Variants in PCDHA7 observed in about 807,000 individuals in gnomAD.
PCDHA7 encodes the protein protocadherin alpha 7.
Under a neutral mutation model 57.2 loss-of-function variants are expected in PCDHA7, and 37 were observed. The ratio of observed to expected loss-of-function variants is 0.65; its 90% CI spans 0.50 to 0.85. The LOEUF (loss-of-function observed/expected upper bound fraction) is 0.85, where lower values mean the gene tolerates loss of function less well. Ranked by LOEUF, PCDHA7 falls within the 40% of genes least tolerant of loss-of-function variation. The pLI, the probability that PCDHA7 is intolerant of heterozygous loss-of-function variation, is 0.00. For synonymous variants in PCDHA7, 553 were observed against 558.8 expected, an observed-to-expected ratio of 0.99 and a Z score of 0.15; for missense variants, 1,188 against 1,241.8, an observed-to-expected ratio of 0.96 and a Z score of 0.65.
intron 1 of PCDHA7, chr5:140,966,591 C>A (rs2096024240): frequency 1.7e-6 from 1 of 588,704 alleles, no homozygotes; most frequent in Non-Finnish European, 2.7e-6. Flanking sequence ...GACGGTGGGG[C>A]CAGGAGCCCT....
intron 3 of PCDHA7, among the ~76,000 whole-genome samples, chr5:140,989,611 A>G (rs2097350612): frequency 6.6e-6 from 1 of 152,232 alleles, no homozygotes. Flanking sequence ...ACTAAAAATG[A>G]AAGTCTGTCC....
intron 1 of PCDHA7, among the ~76,000 whole-genome samples, chr5:140,937,123 C>T (rs1255527159): frequency 1.3e-5 from 2 of 151,390 alleles, no homozygotes; most frequent in Non-Finnish European, 2.9e-5. Context: ...CTGCAAGCTC[C>T]GCCTCCCGGG....
At chr5:140,844,536 C>T (rs945538914) in intron 1 of PCDHA7, among the ~76,000 whole-genome samples, 1 of 149,252 alleles carries the variant, frequency 6.7e-6, no homozygotes, top group South Asian at 2.1e-4. Flanking sequence ...AATCATTCAA[C>T]CCTTTGTTCA....
intron 1 of PCDHA7, among the ~76,000 whole-genome samples, chr5:140,846,624 T>G (rs1554141412): frequency 6.7e-6 from 1 of 149,082 alleles, no homozygotes; most frequent in Non-Finnish European, 1.5e-5. Flanking sequence ...TCCGCCCACT[T>G]CGGCCTCCTA....
chr5:140,873,929 G>C (rs1457405512), intron 1 of PCDHA7, among the ~76,000 whole-genome samples: 3 of 152,138 alleles, frequency 2.0e-5, no homozygotes, highest in African/African-American at 7.2e-5. Flanking sequence ...CCAAAGTGCT[G>C]GGATTACAGG....
intron 1 of PCDHA7, chr5:140,860,694 G>T (rs1263105739): frequency 2.6e-5 from 4 of 152,196 alleles, no homozygotes; most frequent in African/African-American, 7.2e-5. Context: ...TGAGCGACAG[G>T]ATATTGTTGT....
intron 1 of PCDHA7, among the ~76,000 whole-genome samples, chr5:140,958,077 A>C (rs2095408004): frequency 1.3e-5 from 2 of 152,124 alleles, no homozygotes; most frequent in African/African-American, 4.8e-5. Context: ...AGAAGCAAAA[A>C]GTAAAGTTGT....
At chr5:140,901,282 T>A (rs555723354) in intron 1 of PCDHA7, among the ~76,000 whole-genome samples, 44 of 152,318 alleles carry the variant, frequency 2.9e-4, no homozygotes, top group African/African-American at 1.0e-3. Context: ...CAAGAAATTT[T>A]TGCCCAGACT....
At chr5:140,927,157 G>T (rs868936673) in intron 1 of PCDHA7, 1 of 1,614,146 alleles carries the variant, frequency 6.2e-7, no homozygotes, top group Admixed American at 1.7e-5. Flanking sequence ...GCTGTGCAGG[G>T]CCAAAGCTGC....
rs192014288 is a variant in PCDHA7, at chr5:140,938,120, T to A, written c.2356-40829T>A. Among the ~76,000 whole-genome samples the A allele has an allele frequency of 2.0e-3, 311 of 152,258 alleles. 6 individuals are homozygous for A. In the East Asian group the frequency reaches 0.05, roughly 25 times the overall value. ...GTATTTTTTACTTTCTCTCTTTTTT[T>A]AAAAAAATAGAGATAGAGTCTCACT... On this transcript the variant is annotated intron_variant, in intron 1 of 3. Transcript: ENST00000525929.
chr5:140,909,280 T>C (rs1353122604), intron 1 of PCDHA7, among the ~76,000 whole-genome samples: 3 of 152,212 alleles, frequency 2.0e-5, no homozygotes, highest in African/African-American at 7.2e-5. Flanking sequence ...TTGCTTCTGG[T>C]GGGCCTTATG....
intron 1 of PCDHA7, chr5:140,882,627 A>G: frequency 6.2e-7 from 1 of 1,614,136 alleles, no homozygotes; most frequent in Non-Finnish European, 8.5e-7. Flanking sequence ...TTCCATGTGG[A>G]GGTGAAGGTG....
intron 1 of PCDHA7, chr5:140,841,270 C>T: frequency 6.5e-7 from 1 of 1,529,280 alleles, no homozygotes; most frequent in Non-Finnish European, 8.8e-7. Context: ...AAAGTACAGT[C>T]GTTCATCTTT....
intron 1 of PCDHA7, among the ~76,000 whole-genome samples, chr5:140,956,861 A>T (rs2095316106): frequency 6.6e-6 from 1 of 152,194 alleles, no homozygotes; most frequent in Non-Finnish European, 1.5e-5. Flanking sequence ...TGGTTGAATG[A>T]ATGTGTGAAA....
At chr5:141,001,032 TTTAA>T (rs1332637304) in intron 3 of PCDHA7, among the ~76,000 whole-genome samples, 3 of 152,348 alleles carry the variant, frequency 2.0e-5, no homozygotes, top group Middle Eastern at 3.4e-3. Flanking sequence ...TAATAATAGC[TTTAA>T]TTAATTGTAA....
chr5:140,873,497 T>C (rs1236825837), intron 1 of PCDHA7, among the ~76,000 whole-genome samples: 1 of 152,230 alleles, frequency 6.6e-6, no homozygotes, highest in Non-Finnish European at 1.5e-5. Context: ...TGCAAAGTTG[T>C]GTCTTTTATA....
At chr5:140,970,911 T>C (rs1003828575) in intron 1 of PCDHA7, among the ~76,000 whole-genome samples, 2 of 152,194 alleles carry the variant, frequency 1.3e-5, no homozygotes, top group East Asian at 3.9e-4. Context: ...ATTTATTCAT[T>C]TATCAGAAGT....
chr5:140,981,687 A>T (rs1283182396), intron 2 of PCDHA7, among the ~76,000 whole-genome samples: 1 of 151,972 alleles, frequency 6.6e-6, no homozygotes, highest in Non-Finnish European at 1.5e-5. Flanking sequence ...CCTCCCTTCC[A>T]TCATTCATTC....
At chr5:140,904,154 C>T (rs1163595423) in intron 1 of PCDHA7, among the ~76,000 whole-genome samples, 1 of 152,060 alleles carries the variant, frequency 6.6e-6, no homozygotes, top group Non-Finnish European at 1.5e-5. Flanking sequence ...ACATTGCACC[C>T]AGTTTGTAGT....
Sources: gnomAD v4.1 joint callset for allele counts (sites outside exome capture counted in the v4.1 genomes callset) on GRCh38, gnomAD v4.1.1 for gene constraint, MANE v1.5 for transcripts, NCBI Gene and HGNC (gene_info 2026-07-23, HGNC 2026-07-21) for gene names.